Variants in DCAF8L2 observed in about 807,000 individuals in gnomAD.
DCAF8L2 encodes the protein DDB1 and CUL4 associated factor 8 like 2, also known as DDB1- and CUL4-associated factor 8-like protein 2.
For synonymous variants in DCAF8L2, 200 were observed against 190.9 expected (o/e 1.05, Z -0.39); for missense variants, 430 against 490.7 (o/e 0.88, Z 1.17).
chrX:27,696,682 C>T (rs1454438452), intron 3 of DCAF8L2, among the ~76,000 whole-genome samples: 2 of 111,772 alleles, frequency 1.8e-5, no homozygotes, highest in African/African-American at 6.5e-5. Flanking sequence ...TTTACTTTTC[C>T]TCCAAAATAT....
At chrX:27,710,743 C>T (rs750438048) in intron 3 of DCAF8L2, among the ~76,000 whole-genome samples, 1 of 112,131 alleles carries the variant, frequency 8.9e-6, no homozygotes, top group Non-Finnish European at 1.9e-5. Context: ...TTTTTTCCTT[C>T]CTTCATTGCT....
chrX:27,561,086 G>A, the DCAF8L2 span, among the ~76,000 whole-genome samples: 1 of 112,179 alleles, frequency 8.9e-6, no homozygotes, highest in Non-Finnish European at 1.9e-5. Flanking sequence ...AGACCAACTT[G>A]TCCTTTACTT....
At chrX:27,621,335 A>C (rs998888187) in intron 1 of DCAF8L2, among the ~76,000 whole-genome samples, 2 of 109,581 alleles carry the variant, frequency 1.8e-5, no homozygotes, top group Non-Finnish European at 3.8e-5. Context: ...CTTTGTCTAT[A>C]CCAATAAATT....
At chrX:27,743,684 C>G (rs958290556) in intron 4 of DCAF8L2, among the ~76,000 whole-genome samples, 1 of 105,948 alleles carries the variant, frequency 9.4e-6, no homozygotes, top group African/African-American at 3.4e-5. Context: ...CATGAGCCAC[C>G]ATGCCTGGCT....
intron 2 of DCAF8L2, among the ~76,000 whole-genome samples, chrX:27,645,986 C>T (rs752391137): frequency 7.2e-5 from 8 of 111,709 alleles, no homozygotes; most frequent in Non-Finnish European, 1.1e-4. Flanking sequence ...AATCACCATA[C>T]TGCCCAAAGC....
chrX:27,527,024 C>A, the DCAF8L2 span, among the ~76,000 whole-genome samples: 1 of 112,034 alleles, frequency 8.9e-6, no homozygotes, highest in African/African-American at 3.3e-5. Flanking sequence ...AAGCTCCATG[C>A]TAGGAGAACC....
intron 3 of DCAF8L2, among the ~76,000 whole-genome samples, chrX:27,685,325 G>A (rs1298627244): frequency 1.8e-5 from 2 of 111,979 alleles, no homozygotes; most frequent in African/African-American, 6.5e-5. Context: ...TCTGTCAGTA[G>A]TTTAATAATA....
At chrX:27,585,655 C>A (rs764526275), upstream of DCAF8L2, among the ~76,000 whole-genome samples, 2 of 111,944 alleles carry the variant, frequency 1.8e-5, no homozygotes, top group South Asian at 7.5e-4. Context: ...TCAACATGAG[C>A]AATACTCAAA....
intron 2 of DCAF8L2, among the ~76,000 whole-genome samples, chrX:27,635,618 A>G (rs1928466811): frequency 8.9e-6 from 1 of 111,766 alleles, no homozygotes. Context: ...CCAATTCAAC[A>G]TTTGCTCCCA....
chrX:27,653,858 T>C lies in DCAF8L2; in HGVS notation c.-220+21858T>C, dbSNP rs760523528. 7.2e-5 allele frequency among the ~76,000 whole-genome samples: 8 copies of C among 111,172 alleles called. No homozygotes were observed. The South Asian group carries it at 2.3e-3, about 32-fold the overall frequency. ...TTTTTTCTTCCTTTAATTAGAAATA[T>C]GACATTAGCAAATCATTTGGTCAAT... On this transcript the variant is annotated intron_variant, in intron 2 of 4. Transcript: ENST00000451261.
the DCAF8L2 span, among the ~76,000 whole-genome samples, chrX:27,470,216 G>C: frequency 8.9e-6 from 1 of 112,181 alleles, no homozygotes; most frequent in Non-Finnish European, 1.9e-5. Flanking sequence ...AATATAAGGG[G>C]TTTATCAAAT....
chrX:27,717,954 C>T (rs1277944644), intron 4 of DCAF8L2, among the ~76,000 whole-genome samples: 1 of 111,854 alleles, frequency 8.9e-6, no homozygotes, highest in Non-Finnish European at 1.9e-5. Flanking sequence ...ATTGCCATAA[C>T]TTAGTCATTT....
intron 4 of DCAF8L2, among the ~76,000 whole-genome samples, chrX:27,719,548 G>T (rs181344264): frequency 1.8e-3 from 188 of 105,199 alleles, no homozygotes; most frequent in African/African-American, 6.1e-3. Flanking sequence ...GGGTTCAAGC[G>T]ATTCTCCTGC....
chrX:27,739,731 A>G (rs1017786911), intron 4 of DCAF8L2, among the ~76,000 whole-genome samples: 3 of 111,915 alleles, frequency 2.7e-5, no homozygotes, highest in Non-Finnish European at 5.6e-5. Flanking sequence ...TTGATTCCCC[A>G]TCCTCATCCC....
chrX:27,597,111 T>C (rs1482068905), intron 1 of DCAF8L2, among the ~76,000 whole-genome samples: 1 of 112,018 alleles, frequency 8.9e-6, no homozygotes, highest in Non-Finnish European at 1.9e-5. Context: ...CTTTCACATA[T>C]GTAAAATAAA....
chrX:27,498,702 C>T, the DCAF8L2 span, among the ~76,000 whole-genome samples: 1 of 112,160 alleles, frequency 8.9e-6, no homozygotes, highest in Admixed American at 9.5e-5. Context: ...TTTTGACCAA[C>T]ATCTACTCAT....
intron 2 of DCAF8L2, among the ~76,000 whole-genome samples, chrX:27,650,173 G>A (rs1363231551): frequency 9.0e-6 from 1 of 111,260 alleles, no homozygotes; most frequent in Admixed American, 9.6e-5. Flanking sequence ...TTTGTACCAG[G>A]ACAACGCTGT....
the DCAF8L2 span, among the ~76,000 whole-genome samples, chrX:27,564,018 T>C: frequency 8.9e-6 from 1 of 112,199 alleles, no homozygotes; most frequent in Non-Finnish European, 1.9e-5. Context: ...TGTTTGTGCA[T>C]ATGTATTAGT....
chrX:27,572,679 G>A, the DCAF8L2 span, among the ~76,000 whole-genome samples: 1 of 111,756 alleles, frequency 8.9e-6, no homozygotes, highest in Admixed American at 9.5e-5. Flanking sequence ...GTATAGCCCA[G>A]TATTTCTTAG....
Sources: allele counts gnomAD v4.1 joint callset (sites outside exome capture counted in the v4.1 genomes callset), GRCh38; gene constraint gnomAD v4.1.1; transcripts MANE v1.5; gene names NCBI Gene and HGNC (gene_info 2026-07-23, HGNC 2026-07-21).